The following ABR variants were observed in gnomAD, a reference collection of about 807,000 sequenced individuals.
ABR encodes ABR activator of RhoGEF and GTPase.
ABR carries 35 observed loss-of-function variants against 107.2 expected under a neutral mutation model. That is an observed-to-expected ratio of 0.33 (90% CI 0.25 to 0.43). The LOEUF is 0.43. Among genes scored for constraint, ABR ranks in the 20% least tolerant of loss-of-function variants. The pLI, the probability that ABR is intolerant of heterozygous loss-of-function variation, is 1.00. For synonymous variants in ABR, 498 were observed against 462.0 expected (o/e 1.08, Z -1.00); for missense variants, 815 against 1,115.2 (o/e 0.73, Z 3.83).
chr17:1,075,998 C>T (rs1423060168), intron 6 of ABR, among the ~76,000 whole-genome samples: 1 of 152,130 alleles, frequency 6.6e-6, no homozygotes, highest in African/African-American at 2.4e-5. Context: ...GCTGAGATTG[C>T]GCCATTGCAC....
At chr17:1,072,504 G>C in intron 8 of ABR, 110 bp downstream of exon 8, 2 of 532,948 alleles carry the variant, frequency 3.8e-6, no homozygotes, top group Non-Finnish European at 6.6e-6. Flanking sequence ...CCTGCCGCCC[G>C]TGTGTGAGAG....
At chr17:1,022,959 T>G (rs573768872) in intron 16 of ABR, among the ~76,000 whole-genome samples, 2 of 152,168 alleles carry the variant, frequency 1.3e-5, no homozygotes, top group South Asian at 4.1e-4. Context: ...CAACCTGCCT[T>G]CCCCAGCGTC....
chr17:1,161,248 CT>C (rs562909391), intron 1 of ABR, among the ~76,000 whole-genome samples: 331 of 141,628 alleles, frequency 2.3e-3, no homozygotes, highest in Non-Finnish European at 3.0e-3. Flanking sequence ...CAAGTCCAGT[CT>C]TTTTTTTTTT....
chr17:1,166,259 CG>C (rs1357873528), intron 1 of ABR, among the ~76,000 whole-genome samples: 3 of 152,070 alleles, frequency 2.0e-5, no homozygotes, highest in African/African-American at 7.2e-5. Context: ...TGAGCAGGGA[CG>C]GGGGCAGGCT....
At chr17:1,040,025 G>A (rs1017060613) in intron 16 of ABR, among the ~76,000 whole-genome samples, 1 of 152,216 alleles carries the variant, frequency 6.6e-6, no homozygotes, top group East Asian at 1.9e-4. Flanking sequence ...TCAGGGCCAG[G>A]GGCCCGGCTG....
At chr17:1,024,664 T>C (rs995223084) in intron 16 of ABR, among the ~76,000 whole-genome samples, 1 of 151,312 alleles carries the variant, frequency 6.6e-6, no homozygotes, top group Non-Finnish European at 1.5e-5. Context: ...TACATGCCTG[T>C]AGACCCAGCT....
intron 1 of ABR, among the ~76,000 whole-genome samples, chr17:1,216,393 C>T (rs995472826): frequency 1.3e-5 from 2 of 152,150 alleles, no homozygotes; most frequent in Non-Finnish European, 2.9e-5. Flanking sequence ...AACCCAGCTC[C>T]GAGTCTTCCT....
intron 2 of ABR, among the ~76,000 whole-genome samples, chr17:1,112,596 T>TGAGGGAGG (rs886705156): frequency 3.6e-5 from 4 of 111,242 alleles, no homozygotes; most frequent in African/African-American, 1.6e-4. Context: ...GACTCTGTCT[T>TGAGGGAGG]GAGGGAGGGA....
intron 2 of ABR, among the ~76,000 whole-genome samples, chr17:1,121,423 G>A (rs1055506688): frequency 2.0e-5 from 3 of 152,254 alleles, no homozygotes; most frequent in African/African-American, 7.2e-5. Flanking sequence ...AAAGTCTTGT[G>A]GGCCCTGGTG....
At chr17:1,039,797 G>A (rs1358551004) in intron 16 of ABR, among the ~76,000 whole-genome samples, 1 of 152,152 alleles carries the variant, frequency 6.6e-6, no homozygotes, top group Non-Finnish European at 1.5e-5. Flanking sequence ...AAGCAGCAGG[G>A]AGGCGGAACT....
chr17:1,193,915 T>G (rs141191181), intron 1 of ABR, among the ~76,000 whole-genome samples: 1 of 151,592 alleles, frequency 6.6e-6, no homozygotes, highest in South Asian at 2.1e-4. Flanking sequence ...AGGATGGTTT[T>G]GATCTCCTGA....
chr17:1,058,408 G>A (rs1381891583), intron 11 of ABR, among the ~76,000 whole-genome samples: 1 of 152,192 alleles, frequency 6.6e-6, no homozygotes, highest in Non-Finnish European at 1.5e-5. Context: ...CCAAAGTGCT[G>A]GGATGACAGG....
chr17:1,012,963 G>T, intron 17 of ABR, 142 bp downstream of exon 17: 1 of 1,122,446 alleles, frequency 8.9e-7, no homozygotes, highest in Non-Finnish European at 1.3e-6. Context: ...GGTGTGGGCA[G>T]GAGGGGAGAG....
chr17:1,049,700 C>A (rs540821348), intron 16 of ABR, among the ~76,000 whole-genome samples: 1 of 152,352 alleles, frequency 6.6e-6, no homozygotes, highest in Non-Finnish European at 1.5e-5. Flanking sequence ...TCCTCACACA[C>A]AGCATTCCTC....
chr17:1,107,221 A>G (rs887581801), intron 2 of ABR, among the ~76,000 whole-genome samples: 2 of 152,184 alleles, frequency 1.3e-5, no homozygotes, highest in African/African-American at 4.8e-5. Flanking sequence ...CAGGTGTGAC[A>G]CGTGCTCAGG....
upstream of ABR, among the ~76,000 whole-genome samples, chr17:1,180,328 C>G (rs1038670112): frequency 1.3e-5 from 2 of 151,864 alleles, no homozygotes; most frequent in African/African-American, 4.8e-5. Context: ...TCTCCAAGCG[C>G]GGCTTCGCGG....
At chr17:1,165,932 A>G (rs369308652) in intron 1 of ABR, among the ~76,000 whole-genome samples, 5 of 152,164 alleles carry the variant, frequency 3.3e-5, no homozygotes, top group East Asian at 3.9e-4. Context: ...GGCCCGGCTC[A>G]CAGGGCCCCC....
intron 1 of ABR, among the ~76,000 whole-genome samples, chr17:1,218,714 T>A (rs2043059015): frequency 1.3e-5 from 2 of 152,230 alleles, no homozygotes; most frequent in South Asian, 4.1e-4. Context: ...AAATTACAAA[T>A]GGACGATTTC....
chr17:1,044,086 T>G (rs1160358379), intron 16 of ABR, among the ~76,000 whole-genome samples: 2 of 151,836 alleles, frequency 1.3e-5, no homozygotes, highest in African/African-American at 2.4e-5. Flanking sequence ...AGCTAGCGGG[T>G]AGGTTGCAGC....
Sources: allele counts gnomAD v4.1 joint callset (sites outside exome capture counted in the v4.1 genomes callset), GRCh38; gene constraint gnomAD v4.1.1; transcripts MANE v1.5; gene names NCBI Gene and HGNC (gene_info 2026-07-23, HGNC 2026-07-21).